Variants in MAD1L1 observed in about 807,000 individuals in gnomAD.
MAD1L1 encodes mitotic spindle assembly checkpoint protein MAD1.
MAD1L1 carries 95 observed loss-of-function variants against 96.9 expected under a neutral mutation model. That is an observed-to-expected ratio of 0.98 (90% CI 0.83 to 1.16). The LOEUF (loss-of-function observed/expected upper bound fraction) is 1.16, where lower values mean the gene tolerates loss of function less well. MAD1L1 is among the 50% of genes most tolerant of loss of function. The probability of loss-of-function intolerance (pLI) is 0.00; values close to 1 mark genes in which losing one functional copy is unlikely to be tolerated. For synonymous variants in MAD1L1, 473 were observed against 396.6 expected, an observed-to-expected ratio of 1.19 and a Z score of -2.29; for missense variants, 1,007 against 954.4, an observed-to-expected ratio of 1.06 and a Z score of -0.73.
chr7:1,882,766 G>C (rs968049908), intron 18 of MAD1L1, among the ~76,000 whole-genome samples: 2 of 152,224 alleles, frequency 1.3e-5, no homozygotes, highest in African/African-American at 4.8e-5. Flanking sequence ...CCCACCGCTG[G>C]GGTCCACACC....
intron 10 of MAD1L1, among the ~76,000 whole-genome samples, chr7:2,206,782 G>A (rs1243485056): frequency 6.6e-6 from 1 of 152,154 alleles, no homozygotes; most frequent in East Asian, 1.9e-4. Flanking sequence ...CATTCCCATA[G>A]AAATTTTAGA....
chr7:2,156,333 T>A (rs1042393247), intron 10 of MAD1L1, among the ~76,000 whole-genome samples: 70 of 152,150 alleles, frequency 4.6e-4, no homozygotes, highest in Middle Eastern at 3.4e-3. Context: ...TCACGGTGCG[T>A]GGCGTCATGA....
At chr7:2,099,359 C>A (rs889812399) in intron 11 of MAD1L1, among the ~76,000 whole-genome samples, 3 of 152,236 alleles carry the variant, frequency 2.0e-5, no homozygotes, top group Non-Finnish European at 4.4e-5. Context: ...GCAGCCCCTG[C>A]CGCCTTGGCT....
rs545178926 is a variant in MAD1L1 at position 1,964,659 on chromosome 7, T to G, written c.1506-6940A>C. On this transcript the variant is annotated intron_variant, in intron 15 of 18. Coordinates refer to ENST00000265854, the MANE Select transcript of MAD1L1 (RefSeq NM_001013836.2). ...TAAACACGAGGAGCGCTACATAAAT[T>G]AGCTGCCAGCCTAGATCTTTCCTCG... 2.1e-4 allele frequency among the ~76,000 whole-genome samples: 32 copies of G among 152,306 alleles called. No individual in the cohort carries two copies. In the South Asian group the frequency reaches 6.0e-3, roughly 29 times the overall value.
At position 2,015,421 on chromosome 7, in the gene MAD1L1, G is replaced by A. The variant is rs1016065978; in HGVS notation, c.1219-779C>T. Among the ~76,000 whole-genome samples, 3 of 152,220 alleles carry A rather than the reference G, an allele frequency of 2.0e-5. 1 individual carries two copies. Among genetic ancestry groups the A allele is most frequent in the African/African-American group, 7.2e-5 (3 of 41,472 alleles). ...CAGGGCTGATTCCTAGAGCCGGGCA[G>A]AAACCCCTGCTCAGTTGTGTCCTGC... On this transcript the variant is annotated intron_variant, in intron 12 of 18. Coordinates refer to ENST00000265854, the MANE Select transcript of MAD1L1 (RefSeq NM_001013836.2).
Position 1,897,632 on chromosome 7 carries a change from C to G in MAD1L1, c.1998+568G>C, listed in dbSNP as rs77626582. Among the ~76,000 whole-genome samples, 20 of 152,374 alleles carry G rather than the reference C, an allele frequency of 1.3e-4. No individual in the cohort carries two copies. The East Asian group carries it at 3.9e-3, about 29-fold the overall frequency. On this transcript the variant is annotated intron_variant, in intron 18 of 18. Coordinates refer to ENST00000265854, the MANE Select transcript of MAD1L1 (RefSeq NM_001013836.2). ...GTTGGACCCCGCTCGCCCGAGGACT[C>G]TTCATGTCCACAACGGTGGACCCAG...
intron 16 of MAD1L1, among the ~76,000 whole-genome samples, chr7:1,947,452 TC>T (rs1454957660): frequency 6.6e-6 from 1 of 152,138 alleles, no homozygotes; most frequent in African/African-American, 2.4e-5. Flanking sequence ...AATCAATACC[TC>T]TCCTGGCTGA....
chr7:1,828,197 A>C (rs1782526627), intron 18 of MAD1L1, among the ~76,000 whole-genome samples: 1 of 152,166 alleles, frequency 6.6e-6, no homozygotes, highest in Non-Finnish European at 1.5e-5. Context: ...CTGCCATCTG[A>C]AACAGCCAGA....
At chr7:2,182,682 G>A (rs936752662) in intron 10 of MAD1L1, among the ~76,000 whole-genome samples, 4 of 152,184 alleles carry the variant, frequency 2.6e-5, no homozygotes, top group Admixed American at 6.5e-5. Context: ...CCTTGAGAAC[G>A]TGCTGAGAGG....
chr7:2,102,981 C>A (rs1210114744), intron 11 of MAD1L1, among the ~76,000 whole-genome samples: 1 of 152,188 alleles, frequency 6.6e-6, no homozygotes, highest in East Asian at 1.9e-4. Flanking sequence ...TGGCACTGTC[C>A]CCTCTCAGGA....
chr7:2,219,890 G>A (rs1793503381), intron 5 of MAD1L1, among the ~76,000 whole-genome samples: 1 of 152,172 alleles, frequency 6.6e-6, no homozygotes, highest in South Asian at 2.1e-4. Context: ...GGCTTGGTGA[G>A]GCGGCTTCAG....
At chr7:1,883,680 C>G (rs541476646) in intron 18 of MAD1L1, among the ~76,000 whole-genome samples, 1 of 152,210 alleles carries the variant, frequency 6.6e-6, no homozygotes, top group African/African-American at 2.4e-5. Context: ...GCTGGGGTCG[C>G]GGGGTCCAAA....
intron 17 of MAD1L1, among the ~76,000 whole-genome samples, chr7:1,929,295 G>A (rs775824633): frequency 2.0e-5 from 3 of 152,146 alleles, no homozygotes; most frequent in Non-Finnish European, 2.9e-5. Context: ...TGCCCACACA[G>A]GCAGTGACAA....
At chr7:1,908,214 G>A (rs1787794700) in intron 17 of MAD1L1, among the ~76,000 whole-genome samples, 1 of 152,196 alleles carries the variant, frequency 6.6e-6, no homozygotes, top group Non-Finnish European at 1.5e-5. Context: ...GGCTGCAGCT[G>A]CCCCGCAACT....
At chr7:2,169,456 T>C (rs933262691) in intron 10 of MAD1L1, among the ~76,000 whole-genome samples, 1 of 152,156 alleles carries the variant, frequency 6.6e-6, no homozygotes, top group Admixed American at 6.5e-5. Context: ...AATTGTTCTT[T>C]ACTTGGAAAA....
At chr7:2,216,072 C>A in intron 8 of MAD1L1, 73 bp from the exon 9 acceptor site, 1 of 1,609,318 alleles carries the variant, frequency 6.2e-7, no homozygotes, top group Non-Finnish European at 8.5e-7. Flanking sequence ...GGGAGCCCTG[C>A]CCCTACAGGG....
chr7:2,127,021 G>A (rs1187673951), intron 11 of MAD1L1, among the ~76,000 whole-genome samples: 6 of 152,224 alleles, frequency 3.9e-5, no homozygotes, highest in South Asian at 2.1e-4. Context: ...AAGCACATCC[G>A]AGGCCTCGTT....
intron 11 of MAD1L1, among the ~76,000 whole-genome samples, chr7:2,127,755 A>C (rs1286981371): frequency 6.6e-6 from 1 of 152,148 alleles, no homozygotes. Flanking sequence ...CACTCCGGGA[A>C]ACGTGCAAGA....
intron 17 of MAD1L1, among the ~76,000 whole-genome samples, chr7:1,936,042 T>G (rs1240509256): frequency 2.6e-5 from 4 of 152,210 alleles, no homozygotes; most frequent in Non-Finnish European, 5.9e-5. Context: ...ACAGCCTCGC[T>G]GGGGGTGCAG....
Sources: gnomAD v4.1 joint callset for allele counts (sites outside exome capture counted in the v4.1 genomes callset) on GRCh38, gnomAD v4.1.1 for gene constraint, MANE v1.5 for transcripts, NCBI Gene and HGNC (gene_info 2026-07-23, HGNC 2026-07-21) for gene names.